Variants in STIM1 observed in about 807,000 individuals in gnomAD.
The protein encoded by STIM1 is stromal interaction molecule 1.
In STIM1, 25 loss-of-function variants were observed where a neutral mutation model predicts 74.7. That is an observed-to-expected ratio of 0.33 (90% CI 0.24 to 0.47). STIM1 has a LOEUF of 0.47. Among genes scored for constraint, STIM1 ranks in the 20% least tolerant of loss-of-function variants. STIM1 has a pLI of 1.00. For synonymous variants in STIM1, 328 were observed against 348.8 expected (o/e 0.94, Z 0.66); for missense variants, 728 against 920.8 (o/e 0.79, Z 2.71).
chr11:4,091,685 G>T lies in STIM1; in HGVS notation c.2038G>T (p.Gly680Cys), dbSNP rs200666474. Reference sequence around the variant, plus strand: ...AAACACACGCATTCCCCACCTGGCTGGCAAGAAGGCTGTGGCTGAGGAGGA... The same window carrying T: ...AAACACACGCATTCCCCACCTGGCTTGCAAGAAGGCTGTGGCTGAGGAGGA... ...SRNTRIPHLA[G>C]KKAVAEEDNG... Residue 680 changes from glycine to cysteine, a missense_variant, in exon 13 of 13, where the codon GGC becomes TGC. By Grantham distance (159) the Gly-to-Cys change is radical. This residue lies in a region of STIM1 where 352 missense variants were observed against 370.1 expected (regional missense o/e 0.95). Coordinates refer to ENST00000526596, the MANE Select transcript of STIM1 (RefSeq NM_001382567.1). The T allele has an allele frequency of 1.9e-6, 3 of 1,614,236 alleles. No homozygotes were observed. Among genetic ancestry groups the T allele is most frequent in the Non-Finnish European group, 2.5e-6 (3 of 1,180,040 alleles).
chr11:3,979,302 T>A (rs916609344), intron 2 of STIM1, among the ~76,000 whole-genome samples: 1 of 152,222 alleles, frequency 6.6e-6, no homozygotes, highest in Non-Finnish European at 1.5e-5. Flanking sequence ...GCCCATGTTG[T>A]ACATGCTGCC....
intron 1 of STIM1, among the ~76,000 whole-genome samples, chr11:3,893,449 A>C (rs1413596801): frequency 6.6e-6 from 1 of 152,202 alleles, no homozygotes; most frequent in Non-Finnish European, 1.5e-5. Flanking sequence ...TAGTTCTTTG[A>C]CTGGCAGTTG....
chr11:4,055,564 A>C lies in STIM1; in HGVS notation c.424A>C (p.Ile142Leu), dbSNP rs74966469. The change falls in exon 4 of 13, where the codon ATC (isoleucine) becomes CTC (leucine). Residue 142 changes from isoleucine to leucine, a missense_variant. Transcript: ENST00000526596. ...WTVDEVVQWL[I>L]TYVELPQYEE... is the part of the protein sequence containing the mutation. ...CGTGGATGAGGTGGTACAGTGGCTG[A>C]TCACATATGTGGAGCTGCCTCAGTA... The C allele has an allele frequency of 6.2e-7, 1 of 1,601,320 alleles. No homozygotes were observed. The highest frequency in any genetic ancestry group is 1.1e-5 in the South Asian group (1 of 88,308).
chr11:3,894,063 C>T (rs972740241), intron 1 of STIM1, among the ~76,000 whole-genome samples: 2 of 152,046 alleles, frequency 1.3e-5, no homozygotes, highest in African/African-American at 4.8e-5. Flanking sequence ...TGTGAGCCAC[C>T]ACGCCAGGCC....
At chr11:4,083,238 G>C (rs1275929142) in intron 9 of STIM1, 25 bp from the exon 10 acceptor site, 1 of 1,611,176 alleles carries the variant, frequency 6.2e-7, no homozygotes, top group African/African-American at 1.3e-5. Context: ...GTCCATGCCT[G>C]CAGTTCTCTT....
intron 1 of STIM1, among the ~76,000 whole-genome samples, chr11:3,865,141 G>GAA (rs1256120606): frequency 6.6e-6 from 1 of 152,184 alleles, no homozygotes; most frequent in Non-Finnish European, 1.5e-5. Context: ...AATGACAGAT[G>GAA]AAAAACTTCA....
intron 1 of STIM1, among the ~76,000 whole-genome samples, chr11:3,862,444 T>C (rs1018650253): frequency 2.0e-5 from 3 of 152,064 alleles, no homozygotes; most frequent in African/African-American, 7.2e-5. Context: ...TCTGTAGAAT[T>C]GCATTCTACA....
At chr11:4,044,632 A>G (rs2094176075) in intron 3 of STIM1, among the ~76,000 whole-genome samples, 1 of 152,208 alleles carries the variant, frequency 6.6e-6, no homozygotes, top group African/African-American at 2.4e-5. Flanking sequence ...TGCCTAGGTA[A>G]CAGAATGATA....
intron 3 of STIM1, among the ~76,000 whole-genome samples, chr11:4,054,429 G>T (rs933651529): frequency 6.6e-6 from 1 of 152,054 alleles, no homozygotes; most frequent in South Asian, 2.1e-4. Context: ...ACCTGTGTCA[G>T]TCCATGGCCC....
intron 3 of STIM1, among the ~76,000 whole-genome samples, chr11:4,027,814 A>T (rs143988378): frequency 1.6e-3 from 243 of 152,148 alleles, no homozygotes; most frequent in African/African-American, 5.4e-3. Context: ...CCCCTACAGG[A>T]TCATATGAGG....
At chr11:3,975,291 A>G (rs1374777232) in intron 2 of STIM1, among the ~76,000 whole-genome samples, 1 of 152,198 alleles carries the variant, frequency 6.6e-6, no homozygotes. Flanking sequence ...AAAGTTCCCA[A>G]CACAAAGAAT....
rs915345227 is a variant in STIM1, at chr11:4,084,641, TC to T, written c.1475-31del. 7 of 1,287,668 alleles carry T rather than the reference TC, an allele frequency of 5.4e-6. No individual in the cohort carries two copies. The Admixed American group carries it at 1.1e-4, about 21-fold the overall frequency. 79.8% of individuals were successfully genotyped at this position (1,287,668 alleles called of 1,614,324 possible). ...CCGAAGCCCTCCATAAATCAGATTC[TC>T]TTCTCCTTTTGGCCTGGCTGTTGAC... On this transcript the variant is annotated intron_variant, in intron 10 of 12. Coordinates refer to ENST00000526596, the MANE Select transcript of STIM1 (RefSeq NM_001382567.1).
At chr11:4,066,657 C>A (rs1441804367) in intron 5 of STIM1, among the ~76,000 whole-genome samples, 3 of 151,684 alleles carry the variant, frequency 2.0e-5, no homozygotes, top group Non-Finnish European at 4.4e-5. Flanking sequence ...CTAGCCTGGG[C>A]AACATAGCAA....
chr11:3,931,646 T>C (rs925082637), intron 1 of STIM1, among the ~76,000 whole-genome samples: 2 of 152,228 alleles, frequency 1.3e-5, no homozygotes, highest in African/African-American at 2.4e-5. Context: ...GGATCTGCTA[T>C]AGACTGAATG....
intron 1 of STIM1, among the ~76,000 whole-genome samples, chr11:3,882,618 G>A (rs2091558221): frequency 6.6e-6 from 1 of 152,142 alleles, no homozygotes; most frequent in African/African-American, 2.4e-5. Flanking sequence ...AAGAATATGT[G>A]TGTACATGTA....
chr11:3,866,742 C>T (rs983767986), intron 1 of STIM1, among the ~76,000 whole-genome samples: 1 of 152,004 alleles, frequency 6.6e-6, no homozygotes, highest in African/African-American at 2.4e-5. Flanking sequence ...GGTTTGAGTT[C>T]TTGGTGACAG....
At chr11:3,895,209 G>C (rs1269421175) in intron 1 of STIM1, among the ~76,000 whole-genome samples, 1 of 152,180 alleles carries the variant, frequency 6.6e-6, no homozygotes, top group Non-Finnish European at 1.5e-5. Flanking sequence ...CAGGGCAGGG[G>C]AGCAAGGCCT....
chr11:3,957,433 A>G (rs2093229261), intron 1 of STIM1, among the ~76,000 whole-genome samples: 1 of 151,526 alleles, frequency 6.6e-6, no homozygotes, highest in Admixed American at 6.6e-5. Context: ...ATTTTTTTGT[A>G]TTTTTAGTAG....
Position 3,892,780 on chromosome 11 carries a change from A to G in STIM1, c.139+36371A>G, listed in dbSNP as rs543082177. The stretch of plus-strand genomic sequence containing the variant: ...CTTTCTCTCCAGTGCTCAGAGCACG[A>G]AAGTTTTCTGCTGTCTTTGGAACCT... On this transcript the variant is annotated intron_variant, in intron 1 of 12. Coordinates refer to ENST00000526596, the MANE Select transcript of STIM1 (RefSeq NM_001382567.1). 3.7e-6 allele frequency: 6 copies of G among 1,613,282 alleles called. No homozygotes were observed. The South Asian group carries it at 4.4e-5, about 12-fold the overall frequency.
Sources: gnomAD v4.1 joint callset for allele counts (sites outside exome capture counted in the v4.1 genomes callset) on GRCh38, gnomAD v4.1.1 for gene constraint, gnomAD v4.1.1 regional missense constraint, MANE v1.5 for transcripts, NCBI Gene and HGNC (gene_info 2026-07-23, HGNC 2026-07-21) for gene names.